Variants in ACADL observed in about 807,000 individuals in gnomAD.
ACADL encodes acyl-CoA dehydrogenase long chain.
A neutral mutation model predicts 56.9 loss-of-function variants in ACADL; 60 were observed. The observed-to-expected ratio is 1.05, with a 90% CI of 0.86 to 1.31. The LOEUF (loss-of-function observed/expected upper bound fraction) is 1.31, where lower values mean the gene tolerates loss of function less well. Ranked by LOEUF, ACADL falls within the 50% of genes most tolerant of loss-of-function variation. The probability of loss-of-function intolerance (pLI) is 0.00; values close to 1 mark genes in which losing one functional copy is unlikely to be tolerated. For synonymous variants in ACADL, 158 were observed against 179.7 expected (o/e 0.88, Z 0.97); for missense variants, 484 against 525.5 (o/e 0.92, Z 0.77).
At chr2:210,217,201 T>C (rs982340422) in intron 3 of ACADL, among the ~76,000 whole-genome samples, 9 of 152,312 alleles carry the variant, frequency 5.9e-5, no homozygotes, top group African/African-American at 1.9e-4. Flanking sequence ...TTTGGAGAAC[T>C]GTGACCTAAC....
At chr2:210,193,211 G>T (rs946966222) in intron 9 of ACADL, among the ~76,000 whole-genome samples, 10 of 152,148 alleles carry the variant, frequency 6.6e-5, no homozygotes, top group Admixed American at 6.5e-4. Flanking sequence ...ACTTGAATAT[G>T]TTCTAATTTA....
chr2:210,189,012 T>G lies in ACADL; in HGVS notation c.1242A>C (p.Thr414=). 1.9e-6 allele frequency: 3 copies of G among 1,613,552 alleles called. No individual in the cohort carries two copies. The highest frequency in any genetic ancestry group is 1.3e-5 in the African/African-American group (1 of 75,028). The part of the protein sequence containing the change: ...DARVQPIYGG[T]NEIMKELIAR... ...CAATCAGCTCCTTCATTATTTCATTTGTACCACCATAGATTGGCTGAACTC... is the reference window on the plus strand; with the variant it reads ...CAATCAGCTCCTTCATTATTTCATTGGTACCACCATAGATTGGCTGAACTC... The change falls in exon 11 of 11, where the codon ACA becomes ACC. Residue 414 remains threonine, a synonymous_variant. Transcript: ENST00000233710.
At chr2:210,190,920 TTTG>T (rs1489765883) in intron 10 of ACADL, among the ~76,000 whole-genome samples, 8 of 56,994 alleles carry the variant, frequency 1.4e-4, no homozygotes, top group Non-Finnish European at 3.7e-4. Context: ...GTTGTTGTTG[TTTG>T]TTTTTTTTTT....
At chr2:210,213,606 T>G (rs1689025421) in intron 4 of ACADL, among the ~76,000 whole-genome samples, 1 of 152,168 alleles carries the variant, frequency 6.6e-6, no homozygotes, top group Non-Finnish European at 1.5e-5. Context: ...TATGAAATAT[T>G]AAAAATGAAA....
In ACADL at chr2:210,216,286, T is replaced by C. The variant is rs1210958479; in HGVS notation, c.536+61A>G. 7.6e-6 allele frequency: 12 copies of C among 1,576,076 alleles called. 1 individual carries two copies. The highest frequency in any genetic ancestry group is 1.3e-5 in the African/African-American group (1 of 74,142). On this transcript the variant is annotated intron_variant, in intron 4 of 10. Coordinates refer to ENST00000233710, the MANE Select transcript of ACADL (RefSeq NM_001608.4). The stretch of plus-strand genomic sequence containing the variant: ...TAGCTCAGTCTATGTATTAACCAAG[T>C]ACTAAGAAAATGTTAAGGCACTGCT...
intron 4 of ACADL, among the ~76,000 whole-genome samples, chr2:210,212,378 T>C (rs1168538265): frequency 1.3e-5 from 2 of 152,076 alleles, no homozygotes; most frequent in Non-Finnish European, 2.9e-5. Context: ...GAAGGCAATG[T>C]GACCACAAAG....
intron 7 of ACADL, among the ~76,000 whole-genome samples, chr2:210,203,851 T>A (rs1688840115): frequency 6.6e-6 from 1 of 152,176 alleles, no homozygotes; most frequent in South Asian, 2.1e-4. Flanking sequence ...ATGACTGTCT[T>A]CATTATATAT....
intron 9 of ACADL, 73 bp downstream of exon 9, chr2:210,195,138 C>T: frequency 6.3e-7 from 1 of 1,592,116 alleles, no homozygotes; most frequent in Non-Finnish European, 8.6e-7. Flanking sequence ...ACCCTCAAGG[C>T]TGAGCTTAAA....
chr2:210,208,663 T>C (rs1387961415), intron 5 of ACADL, among the ~76,000 whole-genome samples: 1 of 152,186 alleles, frequency 6.6e-6, no homozygotes, highest in East Asian at 1.9e-4. Context: ...ACAACTATCA[T>C]TGATAATTTC....
At chr2:210,222,511 A>AC (rs1237074468) in intron 1 of ACADL, among the ~76,000 whole-genome samples, 11 of 149,582 alleles carry the variant, frequency 7.4e-5, no homozygotes, top group African/African-American at 2.0e-4. Context: ...AAACAAACAA[A>AC]AAAAAAAAAA....
At chr2:210,204,775 A>AT (rs1688856852) in intron 6 of ACADL, 93 bp from the exon 7 acceptor site, 2 of 1,096,602 alleles carry the variant, frequency 1.8e-6, no homozygotes, top group Admixed American at 3.7e-5. Flanking sequence ...TTTTCCAAAA[A>AT]AACAAAACAC....
In ACADL at chr2:210,225,396, G is replaced by A. The variant is rs981479818; in HGVS notation, c.-133C>T. ...GGTGTCCTCCCAAAAAAGCGCTCGCGCGCGCCCTTCCGGAGCCCCAACCAC... is the reference window on the plus strand; with the variant it reads ...GGTGTCCTCCCAAAAAAGCGCTCGCACGCGCCCTTCCGGAGCCCCAACCAC... On this transcript the variant is annotated 5_prime_UTR_variant, in exon 1 of 11. Transcript: ENST00000233710. 3.9e-6 allele frequency: 4 copies of A among 1,037,128 alleles called. No homozygotes were observed. Among genetic ancestry groups the A allele is most frequent in the East Asian group, 2.8e-5 (1 of 36,046 alleles). The allele number at this position is 1,037,128 out of a possible 1,614,324, so 64.2% of individuals were successfully genotyped here. A position where few individuals can be genotyped will look rare whatever the true frequency, so the allele number is the denominator to read the frequency against.
At chr2:210,223,618 C>T (rs949062192) in intron 1 of ACADL, among the ~76,000 whole-genome samples, 4 of 152,184 alleles carry the variant, frequency 2.6e-5, no homozygotes, top group Non-Finnish European at 5.9e-5. Flanking sequence ...GGTAGATTTT[C>T]TTGCCATGCT....
chr2:210,211,993 G>T (rs2125715145), intron 4 of ACADL, among the ~76,000 whole-genome samples: 1 of 152,156 alleles, frequency 6.6e-6, no homozygotes, highest in South Asian at 2.1e-4. Flanking sequence ...ACCATGCCTG[G>T]CTAAGTTTTT....
Position 210,211,257 on chromosome 2 carries a change from G to A in ACADL, c.537-995C>T, listed in dbSNP as rs533225836. 2.2e-3 allele frequency among the ~76,000 whole-genome samples: 330 copies of A among 152,172 alleles called. 3 individuals are homozygous for A. Among genetic ancestry groups the A allele is most frequent in the Middle Eastern group, 3.4e-3 (1 of 292 alleles). ...AATGACTTCTTATTAGCTGAATAGA[G>A]CATCATCATGGATTTACCATAATTT... On this transcript the variant is annotated intron_variant, in intron 4 of 10. Transcript: ENST00000233710.
At chr2:210,201,960 A>G (rs188103256) in intron 8 of ACADL, among the ~76,000 whole-genome samples, 101 of 152,322 alleles carry the variant, frequency 6.6e-4, no homozygotes, top group Non-Finnish European at 2.4e-4. Context: ...ATTGATACAC[A>G]AAAAGCAGAA....
At chr2:210,199,405 G>A (rs1333716670) in intron 8 of ACADL, among the ~76,000 whole-genome samples, 3 of 151,990 alleles carry the variant, frequency 2.0e-5, no homozygotes, top group Non-Finnish European at 2.9e-5. Flanking sequence ...TTGAAAGAAG[G>A]CAACAATAAA....
chr2:210,214,843 T>G (rs1004986578), intron 4 of ACADL, among the ~76,000 whole-genome samples: 2 of 152,188 alleles, frequency 1.3e-5, no homozygotes, highest in African/African-American at 4.8e-5. Flanking sequence ...TTCTACTTGT[T>G]TAGATCACAC....
At chr2:210,201,014 AGG>A (rs1688783382) in intron 8 of ACADL, among the ~76,000 whole-genome samples, 5 of 152,186 alleles carry the variant, frequency 3.3e-5, no homozygotes, top group African/African-American at 1.2e-4. Context: ...AACAGCCTAA[AGG>A]CTGAAAAACC....
Sources: gnomAD v4.1 joint callset for allele counts (sites outside exome capture counted in the v4.1 genomes callset) on GRCh38, gnomAD v4.1.1 for gene constraint, MANE v1.5 for transcripts, NCBI Gene and HGNC (gene_info 2026-07-23, HGNC 2026-07-21) for gene names.